CD81: variants seen among roughly 807,000 people sequenced by gnomAD.
CD81 encodes the protein CD81 molecule.
CD81 carries 10 observed loss-of-function variants against 30.1 expected under a neutral mutation model. The ratio of observed to expected loss-of-function variants is 0.33; its 90% CI spans 0.21 to 0.56. The LOEUF is 0.56. CD81 is among the 20% of genes least tolerant of loss of function. The pLI, the probability that CD81 is intolerant of heterozygous loss-of-function variation, is 0.89. For synonymous variants in CD81, 147 were observed against 126.4 expected (o/e 1.16, Z -1.10); for missense variants, 263 against 308.7 (o/e 0.85, Z 1.11).
intron 1 of CD81, among the ~76,000 whole-genome samples, chr11:2,384,449 T>TG (rs1442811608): frequency 4.9e-5 from 1 of 20,606 alleles, no homozygotes; most frequent in African/African-American, 2.3e-4. Context: ...GGGCGTCTTG[T>TG]GGGGTAGGGC....
At chr11:2,387,937 T>G (rs1219807086) in intron 1 of CD81, among the ~76,000 whole-genome samples, 1 of 152,186 alleles carries the variant, frequency 6.6e-6, no homozygotes, top group Non-Finnish European at 1.5e-5. Context: ...CAGCCCAGGT[T>G]GTTGTTTCGG....
At chr11:2,386,399 T>C in intron 1 of CD81, 1 of 642,270 alleles carries the variant, frequency 1.6e-6, no homozygotes, top group South Asian at 1.7e-5. Flanking sequence ...TGGGGTTTGT[T>C]ATGGGGCAGG....
rs961375346 is a variant in CD81, at chr11:2,390,534, C to T, written c.181+8C>T. 1 of 1,584,692 alleles carries T rather than the reference C, an allele frequency of 6.3e-7. No individual in the cohort carries two copies. Among genetic ancestry groups the T allele is most frequent in the Non-Finnish European group, 8.7e-7 (1 of 1,154,236 alleles). On this transcript the variant is annotated splice_region_variant and intron_variant, in intron 2 of 7. Transcript: ENST00000263645. ...CCAACACCTTCTATGTAGGTGAGTG[C>T]ACATGTGGCCGCAGACGCATTCAGG...
chr11:2,381,194 G>A (rs1849699391), intron 1 of CD81, among the ~76,000 whole-genome samples: 1 of 152,250 alleles, frequency 6.6e-6, no homozygotes, highest in South Asian at 2.1e-4. Flanking sequence ...AGAAGAGGAA[G>A]TCTGTGGTTT....
intron 1 of CD81, among the ~76,000 whole-genome samples, chr11:2,381,272 G>T (rs1358346596): frequency 6.6e-6 from 1 of 152,250 alleles, no homozygotes; most frequent in African/African-American, 2.4e-5. Context: ...AAGCAGGGAG[G>T]TATGGGCCTA....
At chr11:2,390,376 C>G in intron 1 of CD81, 36 bp from the exon 2 acceptor site, 3 of 1,542,910 alleles carry the variant, frequency 1.9e-6, no homozygotes, top group East Asian at 2.2e-5. Flanking sequence ...CTGCAGTGCT[C>G]TTCGTACATG....
intron 1 of CD81, among the ~76,000 whole-genome samples, chr11:2,384,887 T>G (rs1849763726): frequency 6.6e-6 from 1 of 152,140 alleles, no homozygotes; most frequent in Admixed American, 6.5e-5. Context: ...GGGCCTGAGG[T>G]CGCCTTGGTG....
chr11:2,381,000 T>C (rs1407488760), intron 1 of CD81, among the ~76,000 whole-genome samples: 1 of 152,198 alleles, frequency 6.6e-6, no homozygotes, highest in African/African-American at 2.4e-5. Flanking sequence ...CACATGACTG[T>C]CATTTGGCAC....
At chr11:2,382,313 C>T (rs1289572777) in intron 1 of CD81, 7 of 152,500 alleles carry the variant, frequency 4.6e-5, no homozygotes, top group Non-Finnish European at 8.8e-5. Context: ...AAGCGCCTCT[C>T]TCCAGGATGT....
chr11:2,389,478 T>G (rs530742177), intron 1 of CD81, among the ~76,000 whole-genome samples: 1 of 151,866 alleles, frequency 6.6e-6, no homozygotes, highest in African/African-American at 2.4e-5. Flanking sequence ...ATGATCAGAG[T>G]GGGCTGGGCT....
At chr11:2,390,645 GGGAGGCGGCCCT>G in intron 2 of CD81, 119 bp downstream of exon 2, 1 of 767,200 alleles carries the variant, frequency 1.3e-6, no homozygotes, top group Admixed American at 2.0e-5. Context: ...TGTCCGGGCA[GGGAGGCGGCCCT>G]GGAAAGGGCT....
At chr11:2,389,449 A>C (rs1849856653) in intron 1 of CD81, among the ~76,000 whole-genome samples, 2 of 152,068 alleles carry the variant, frequency 1.3e-5, no homozygotes, top group Non-Finnish European at 2.9e-5. Flanking sequence ...GGCCTGGGGC[A>C]CGTGCCTGGC....
chr11:2,377,757 G>A lies in CD81; in HGVS notation c.66+142G>A, dbSNP rs1195906035. ...GCCACCTGTGGGCTCCAGGAGCGGG[G>A]TGGGGGGTCGCCCGGGGCCACCGCG... On this transcript the variant is annotated intron_variant, in intron 1 of 7. Transcript: ENST00000263645. This position sits in a 1 kb window ranked among gnomAD's most constrained non-coding sequence, Gnocchi z 7.7. The A allele has an allele frequency of 1.5e-5, 5 of 329,806 alleles. No individual in the cohort carries two copies. The highest frequency in any genetic ancestry group is 2.7e-5 in the Non-Finnish European group (5 of 187,890). The allele number at this position is 329,806 out of a possible 1,614,324, so 20.4% of individuals were successfully genotyped here.
At chr11:2,390,108 G>C in intron 1 of CD81, 2 of 519,562 alleles carry the variant, frequency 3.8e-6, no homozygotes, top group East Asian at 3.5e-5. Context: ...GAAGTATTCT[G>C]TTTTCATCTG....
At chr11:2,393,249 C>G (rs1475836291) in intron 2 of CD81, 1 of 152,500 alleles carries the variant, frequency 6.6e-6, no homozygotes, top group African/African-American at 2.4e-5. Flanking sequence ...CAGTGAGAGA[C>G]ACTGACAGCT....
chr11:2,396,076 A>C, intron 6 of CD81, 106 bp downstream of exon 6: 3 of 595,624 alleles, frequency 5.0e-6, no homozygotes, highest in East Asian at 8.2e-5. Flanking sequence ...GAGCGACCAC[A>C]CTGGGTGGCA....
intron 1 of CD81, among the ~76,000 whole-genome samples, chr11:2,381,858 A>T (rs1849711311): frequency 6.6e-6 from 1 of 152,164 alleles, no homozygotes; most frequent in Non-Finnish European, 1.5e-5. Context: ...AGTGATCTCC[A>T]CTTCCAAGTC....
chr11:2,394,330 C>G, intron 3 of CD81, 138 bp downstream of exon 3: 1 of 624,812 alleles, frequency 1.6e-6, no homozygotes, highest in Non-Finnish European at 2.8e-6. Flanking sequence ...CTGCTTTTCC[C>G]GTTTGGTTTT....
chr11:2,393,500 C>A, intron 2 of CD81: 1 of 226,192 alleles, frequency 4.4e-6, no homozygotes, highest in Non-Finnish European at 8.9e-6. Context: ...ACACAGCAGC[C>A]AGGTTCAAAT....
Sources: gnomAD v4.1 joint callset for allele counts (sites outside exome capture counted in the v4.1 genomes callset) on GRCh38, gnomAD v4.1.1 for gene constraint, Gnocchi (gnomAD v3.1) non-coding constraint, MANE v1.5 for transcripts, NCBI Gene and HGNC (gene_info 2026-07-23, HGNC 2026-07-21) for gene names.